Variants in CACNG2 observed in about 807,000 individuals in gnomAD.
CACNG2 encodes the protein calcium voltage-gated channel auxiliary subunit gamma 2.
A neutral mutation model predicts 25.9 loss-of-function variants in CACNG2; 3 were observed. That is an observed-to-expected ratio of 0.12 (90% confidence interval 0.05 to 0.30). The LOEUF (loss-of-function observed/expected upper bound fraction) is 0.30, where lower values mean the gene tolerates loss of function less well. CACNG2 is among the 10% of genes least tolerant of loss of function. The pLI, the probability that CACNG2 is intolerant of heterozygous loss-of-function variation, is 1.00. For missense variants in CACNG2, 341 were observed against 432.5 expected (o/e 0.79, Z 1.88); for synonymous variants, 167 against 173.3 (o/e 0.96, Z 0.29).
At chr22:36,585,845 A>G (rs1210955196) in intron 2 of CACNG2, among the ~76,000 whole-genome samples, 1 of 152,248 alleles carries the variant, frequency 6.6e-6, no homozygotes, top group Non-Finnish European at 1.5e-5. Flanking sequence ...TTTCTTAAAA[A>G]CAAGGAAATG....
intron 2 of CACNG2, among the ~76,000 whole-genome samples, chr22:36,581,283 A>G (rs1935414157): frequency 6.6e-6 from 1 of 152,146 alleles, no homozygotes; most frequent in Non-Finnish European, 1.5e-5. Context: ...CTGTTTCTCT[A>G]TCAGTGTGGT....
At chr22:36,587,612 C>G in intron 1 of CACNG2, 64 bp from the exon 2 acceptor site, 2 of 1,092,734 alleles carry the variant, frequency 1.8e-6, no homozygotes, top group Non-Finnish European at 2.8e-6. Context: ...TAGGGCCCAC[C>G]TGCCTCTTCC....
intron 1 of CACNG2, among the ~76,000 whole-genome samples, chr22:36,650,749 G>C (rs1395217529): frequency 6.6e-6 from 1 of 152,124 alleles, no homozygotes; most frequent in Admixed American, 6.6e-5. Flanking sequence ...TGAACTCCTG[G>C]CTTCAAGTGA....
intron 1 of CACNG2, among the ~76,000 whole-genome samples, chr22:36,597,728 C>T (rs1034500154): frequency 3.9e-5 from 6 of 152,208 alleles, no homozygotes; most frequent in African/African-American, 1.4e-4. Context: ...GCATGGGAAG[C>T]CCCTGGGGAT....
chr22:36,613,200 C>A (rs950440859), intron 1 of CACNG2, among the ~76,000 whole-genome samples: 1 of 143,828 alleles, frequency 7.0e-6, no homozygotes, highest in Non-Finnish European at 1.5e-5. Context: ...GCATGTGTGT[C>A]TTTCATCTCA....
chr22:36,605,892 T>C (rs1451591630), intron 1 of CACNG2, among the ~76,000 whole-genome samples: 1 of 152,112 alleles, frequency 6.6e-6, no homozygotes, highest in East Asian at 1.9e-4. Context: ...AACAGGATGG[T>C]TCAAATGACT....
chr22:36,679,791 A>T (rs1478807288), intron 1 of CACNG2, among the ~76,000 whole-genome samples: 1 of 152,178 alleles, frequency 6.6e-6, no homozygotes, highest in Non-Finnish European at 1.5e-5. Context: ...GGTTAGAAAT[A>T]GTTGTTGTTT....
chr22:36,606,415 C>T lies in CACNG2; in HGVS notation c.212-18867G>A, dbSNP rs867647585. ...GTGGAGGGACAGAGGGGTGAAGGAA[C>T]GCCTCTAAAGATTCATTGCTCGTGT... On this transcript the variant is annotated intron_variant, in intron 1 of 3. Transcript: ENST00000300105. This position sits in a 1 kb window ranked among gnomAD's most constrained non-coding sequence, Gnocchi z 5.7. 4.6e-5 allele frequency among the ~76,000 whole-genome samples: 7 copies of T among 152,258 alleles called. No homozygotes were observed. The highest frequency in any genetic ancestry group is 2.1e-4 in the South Asian group (1 of 4,816).
At chr22:36,615,743 T>G (rs79799553) in intron 1 of CACNG2, among the ~76,000 whole-genome samples, 5,568 of 148,208 alleles carry the variant, frequency 0.038, 379 homozygotes, top group African/African-American at 0.13. Context: ...ATGACTGGCA[T>G]GTAGCAGGTG....
chr22:36,645,320 G>A (rs770447549), intron 1 of CACNG2, among the ~76,000 whole-genome samples: 3 of 152,014 alleles, frequency 2.0e-5, no homozygotes, highest in Non-Finnish European at 2.9e-5. Context: ...GGCGGATCAC[G>A]AGATCAGGAG....
intron 1 of CACNG2, among the ~76,000 whole-genome samples, chr22:36,622,171 C>A (rs1936115237): frequency 6.6e-6 from 1 of 152,218 alleles, no homozygotes; most frequent in African/African-American, 2.4e-5. Context: ...AGGATTCAGA[C>A]CTGGCCAATT....
At chr22:36,653,276 A>G (rs533721874) in intron 1 of CACNG2, among the ~76,000 whole-genome samples, 3 of 152,362 alleles carry the variant, frequency 2.0e-5, no homozygotes, top group East Asian at 3.9e-4. Context: ...GTGAACCGAG[A>G]TCACATCATT....
chr22:36,637,186 A>G lies in CACNG2; in HGVS notation c.212-49638T>C, dbSNP rs557416294. Among the ~76,000 whole-genome samples the G allele has an allele frequency of 2.0e-5, 3 of 152,334 alleles. No individual in the cohort carries two copies. In the South Asian group the frequency reaches 6.2e-4, roughly 32 times the overall value. On this transcript the variant is annotated intron_variant, in intron 1 of 3. Coordinates refer to ENST00000300105, the MANE Select transcript of CACNG2 (RefSeq NM_006078.5). ...ACTGCATTTACTTAGCACATGCTCA[A>G]TAGCTACTGTCAGGTGGTGAAAAGC...
At chr22:36,651,147 T>C (rs377138668) in intron 1 of CACNG2, among the ~76,000 whole-genome samples, 1 of 151,960 alleles carries the variant, frequency 6.6e-6, no homozygotes, top group Non-Finnish European at 1.5e-5. Context: ...CCATAAACCC[T>C]GTGCCTAAAA....
At chr22:36,590,283 CA>C (rs1935569100) in intron 1 of CACNG2, among the ~76,000 whole-genome samples, 1 of 152,184 alleles carries the variant, frequency 6.6e-6, no homozygotes, top group South Asian at 2.1e-4. Context: ...GCGAGATAAT[CA>C]GTGGCCCAGA....
intron 1 of CACNG2, among the ~76,000 whole-genome samples, chr22:36,630,528 G>A (rs1190414078): frequency 1.3e-5 from 2 of 152,068 alleles, no homozygotes; most frequent in Non-Finnish European, 2.9e-5. Flanking sequence ...ATAAATCCAG[G>A]TTCATTGAAA....
intron 2 of CACNG2, among the ~76,000 whole-genome samples, chr22:36,570,375 C>T (rs892266784): frequency 2.6e-5 from 4 of 152,298 alleles, no homozygotes; most frequent in Non-Finnish European, 5.9e-5. Flanking sequence ...AAATAATGAC[C>T]ACCAGCGGGG....
At chr22:36,649,216 A>T (rs187020524) in intron 1 of CACNG2, among the ~76,000 whole-genome samples, 1 of 152,260 alleles carries the variant, frequency 6.6e-6, no homozygotes, top group East Asian at 1.9e-4. Flanking sequence ...AGAGGCACAG[A>T]CCAGAAAGCT....
rs1408410171 is a variant in CACNG2 at position 36,606,190 on chromosome 22, C to A, written c.212-18642G>T. Among the ~76,000 whole-genome samples, 1 of 152,170 alleles carries A rather than the reference C, an allele frequency of 6.6e-6. No homozygotes were observed. The highest frequency in any genetic ancestry group is 2.4e-5 in the African/African-American group (1 of 41,430). ...GAGAAGGGATCAATACAGACGGATTCCCCGTCCCCCAGAGCTGAGTCTTGA... is the reference window on the plus strand; with the variant it reads ...GAGAAGGGATCAATACAGACGGATTACCCGTCCCCCAGAGCTGAGTCTTGA... On this transcript the variant is annotated intron_variant, in intron 1 of 3. Coordinates refer to ENST00000300105, the MANE Select transcript of CACNG2 (RefSeq NM_006078.5). The surrounding 1 kb of genome is among the most constrained non-coding windows in gnomAD (Gnocchi z 5.7).
Sources: gnomAD v4.1 joint callset for allele counts (sites outside exome capture counted in the v4.1 genomes callset) on GRCh38, gnomAD v4.1.1 for gene constraint, Gnocchi (gnomAD v3.1) non-coding constraint, MANE v1.5 for transcripts, NCBI Gene and HGNC (gene_info 2026-07-23, HGNC 2026-07-21) for gene names.